Variants in COL2A1 observed in about 807,000 individuals in gnomAD.
COL2A1 encodes collagen alpha-1(II) chain.
In COL2A1, 28 loss-of-function variants were observed where a neutral mutation model predicts 204.5. The ratio of observed to expected loss-of-function variants is 0.14; its 90% CI spans 0.10 to 0.19. The LOEUF (loss-of-function observed/expected upper bound fraction) is 0.19. COL2A1 is among the 10% of genes least tolerant of loss of function. The pLI, the probability that COL2A1 is intolerant of heterozygous loss-of-function variation, is 1.00. For missense variants in COL2A1, 1,388 were observed against 2,027.5 expected, an observed-to-expected ratio of 0.68 and a Z score of 6.06; for synonymous variants, 708 against 718.7, an observed-to-expected ratio of 0.99 and a Z score of 0.24.
intron 2 of COL2A1, among the ~76,000 whole-genome samples, chr12:47,999,070 G>T (rs1940104708): frequency 6.6e-6 from 1 of 152,208 alleles, no homozygotes; most frequent in Non-Finnish European, 1.5e-5. Flanking sequence ...TGTTGGTGAA[G>T]TGTTAAGGAA....
chr12:47,980,009 C>CG lies in COL2A1; in HGVS notation c.2678dup (p.Ala895SerfsTer49), dbSNP rs1938958532. ...GTGGGGTGTCAGAGGCCTCACTCAC[C>CG]GGGGGGCCTTGGGCACCTCGGGCTC... On this transcript the variant is annotated frameshift_variant and splice_region_variant, in exon 40 of 54. Transcript: ENST00000380518. LOFTEE classifies it high-confidence loss of function. The surrounding 1 kb of genome is among the most constrained non-coding windows in gnomAD (Gnocchi z 4.5). 1.3e-6 allele frequency: 2 copies of CG among 1,554,090 alleles called. No homozygotes were observed.
intron 36 of COL2A1, 54 bp from the exon 37 acceptor site, chr12:47,981,450 G>A: frequency 2.6e-6 from 4 of 1,522,046 alleles, no homozygotes; most frequent in Non-Finnish European, 3.6e-6. Flanking sequence ...GAGGCAGAGT[G>A]GGAGAGGGCA....
chr12:47,973,101 C>A lies in COL2A1; in HGVS notation c.*306G>T. On this transcript the variant is annotated 3_prime_UTR_variant, in exon 54 of 54. Transcript: ENST00000380518. Reference sequence around the variant, plus strand: ...CGGCACCTGAAGGGAGGTCTTCTGGCCTGGGCTGGGGGCAGTCACTCAGGG... The same window carrying A: ...CGGCACCTGAAGGGAGGTCTTCTGGACTGGGCTGGGGGCAGTCACTCAGGG... 1.7e-6 allele frequency: 1 copy of A among 601,930 alleles called. No homozygotes were observed. The highest frequency in any genetic ancestry group is 3.0e-6 in the Non-Finnish European group (1 of 338,752). 37.3% of individuals were successfully genotyped at this position (601,930 alleles called of 1,614,324 possible). A position where few individuals can be genotyped will look rare whatever the true frequency, so the allele number is the denominator to read the frequency against.
chr12:47,975,954 G>T lies in COL2A1; in HGVS notation c.3597+9C>A. On this transcript the variant is annotated intron_variant, in intron 50 of 53. Transcript: ENST00000380518. Reference sequence around the variant, plus strand: ...ACCTCGACAGCAGGGAAGGAGTCAGGACACTTACAGCAGGGCCGGTTTCGC... The same window carrying T: ...ACCTCGACAGCAGGGAAGGAGTCAGTACACTTACAGCAGGGCCGGTTTCGC... The T allele has an allele frequency of 6.2e-7, 1 of 1,604,530 alleles. No individual in the cohort carries two copies. Among genetic ancestry groups the T allele is most frequent in the South Asian group, 1.1e-5 (1 of 90,856 alleles).
At position 47,981,537 on chromosome 12, in the gene COL2A1, C is replaced by T. The variant is rs565105661; in HGVS notation, c.2410-141G>A. The stretch of plus-strand genomic sequence containing the variant: ...GCACAGCCTGTGTTACTGTGCAGCC[C>T]ATACCCGCACCCTCTCGAGGGCCTC... On this transcript the variant is annotated intron_variant, in intron 36 of 53. Transcript: ENST00000380518. 4 of 898,742 alleles carry T rather than the reference C, an allele frequency of 4.5e-6. No individual in the cohort carries two copies. In the Admixed American group the frequency reaches 8.1e-5, roughly 18 times the overall value. 55.7% of individuals were successfully genotyped at this position (898,742 alleles called of 1,614,324 possible).
chr12:47,976,585 G>A lies in COL2A1; in HGVS notation c.3436-18C>T. 2 of 1,613,964 alleles carry A rather than the reference G, an allele frequency of 1.2e-6. No homozygotes were observed. Among genetic ancestry groups the A allele is most frequent in the South Asian group, 1.1e-5 (1 of 91,076 alleles). ...GAAGGACCCTGTGTAGAAGGAAGAG[G>A]CAAAAGGCCACGGTCAGCACAGACA... is the stretch of plus-strand genomic sequence containing the variant. On this transcript the variant is annotated intron_variant, in intron 48 of 53. Transcript: ENST00000380518. This position sits in a 1 kb window ranked among gnomAD's most constrained non-coding sequence, Gnocchi z 4.3.
chr12:47,990,169 A>AT (rs1445061255), intron 16 of COL2A1, among the ~76,000 whole-genome samples: 5 of 151,720 alleles, frequency 3.3e-5, no homozygotes, highest in East Asian at 1.9e-4. Context: ...ACACCTGGCT[A>AT]TTTTTTTTAT....
intron 51 of COL2A1, 123 bp from the exon 52 acceptor site, chr12:47,974,985 G>T (rs755605249): frequency 9.5e-7 from 1 of 1,058,182 alleles, no homozygotes; most frequent in Non-Finnish European, 1.4e-6. Flanking sequence ...AGGTTCACAT[G>T]TGGCCTGAAA....
chr12:47,992,440 T>A (rs1181344922), intron 16 of COL2A1, among the ~76,000 whole-genome samples: 1 of 152,176 alleles, frequency 6.6e-6, no homozygotes, highest in African/African-American at 2.4e-5. Flanking sequence ...CCCCTGGTAC[T>A]ATAGCATAAC....
intron 21 of COL2A1, 76 bp from the exon 22 acceptor site, chr12:47,986,964 T>A: frequency 6.3e-7 from 1 of 1,598,166 alleles, no homozygotes; most frequent in Non-Finnish European, 8.6e-7. Flanking sequence ...CTGTTCAAGA[T>A]GCCCTCGGAT....
Position 47,977,134 on chromosome 12 carries a change from G to T in COL2A1, c.3295C>A (p.Pro1099Thr). The T allele has an allele frequency of 6.2e-7, 1 of 1,610,414 alleles. No homozygotes were observed. The highest frequency in any genetic ancestry group is 8.5e-7 in the Non-Finnish European group (1 of 1,178,780). ...CCCCGGGCTCCAGCTGGTCCTGAGGGTCCCATGGGGCCTTGTGCACCCTGA... is the reference window on the plus strand; with the variant it reads ...CCCCGGGCTCCAGCTGGTCCTGAGGTTCCCATGGGGCCTTGTGCACCCTGA... ...GEAGAQGPMG[P>T]SGPAGARGIQ... The change falls in exon 47 of 54, where the codon CCC becomes ACC. Residue 1099 changes from proline (P) to threonine (T), a missense_variant. Physicochemically the swap from Pro to Thr is conservative, Grantham distance 38 (BLOSUM62 -1). Coordinates refer to ENST00000380518, the MANE Select transcript of COL2A1 (RefSeq NM_001844.5).
Position 47,984,067 on chromosome 12 carries a change from G to C in COL2A1, c.1941+20C>G, listed in dbSNP as rs1164244959. 2 of 1,608,728 alleles carry C rather than the reference G, an allele frequency of 1.2e-6. No homozygotes were observed. Among genetic ancestry groups the C allele is most frequent in the South Asian group, 1.1e-5 (1 of 89,944 alleles). ...GCCCCTGCCCCCAGGGCCACCTGGG[G>C]AGGCTGGGCAGGTACTTACAGCAGG... is the stretch of plus-strand genomic sequence containing the variant. On this transcript the variant is annotated intron_variant, in intron 29 of 53. Coordinates refer to ENST00000380518, the MANE Select transcript of COL2A1 (RefSeq NM_001844.5).
Position 47,983,159 on chromosome 12 carries a change from G to A in COL2A1, c.2050-22C>T, listed in dbSNP as rs199990957. The stretch of plus-strand genomic sequence containing the variant: ...CACCCTGGAGAACAAAGAAAGATGT[G>A]TGAGAGTGAAGGCTTCATATCACAG... On this transcript the variant is annotated intron_variant, in intron 31 of 53. Transcript: ENST00000380518. The A allele has an allele frequency of 9.3e-5, 150 of 1,612,096 alleles. 1 individual carries two copies. In the African/African-American group the frequency reaches 1.4e-3, roughly 15 times the overall value.
intron 17 of COL2A1, 46 bp from the exon 18 acceptor site, chr12:47,989,327 G>A (rs1194191664): frequency 5.8e-6 from 9 of 1,544,992 alleles, no homozygotes; most frequent in Non-Finnish European, 8.0e-6. Flanking sequence ...GCCAGTTCTG[G>A]CCTCCAAAGC....
At chr12:47,996,919 G>A (rs1292063457) in intron 7 of COL2A1, among the ~76,000 whole-genome samples, 1 of 152,174 alleles carries the variant, frequency 6.6e-6, no homozygotes, top group Non-Finnish European at 1.5e-5. Flanking sequence ...TATGACAGAT[G>A]TTATTTAACG....
In COL2A1 at chr12:47,978,966, A is replaced by G. The variant is rs915933586; in HGVS notation, c.2734-208T>C. ...AGACAGCTCTGGGCAGACAGCCCCA[A>G]CTTCTCCAGCTCCTGCTTGCTTTGC... is the stretch of plus-strand genomic sequence containing the variant. On this transcript the variant is annotated intron_variant, in intron 41 of 53. Transcript: ENST00000380518. The surrounding 1 kb of genome is among the most constrained non-coding windows in gnomAD (Gnocchi z 5.5). Among the ~76,000 whole-genome samples, 5 of 151,838 alleles carry G rather than the reference A, an allele frequency of 3.3e-5. No homozygotes were observed. Among genetic ancestry groups the G allele is most frequent in the African/African-American group, 7.2e-5 (3 of 41,384 alleles).
intron 53 of COL2A1, 68 bp downstream of exon 53, chr12:47,974,021 G>GCCAA: frequency 6.2e-7 from 1 of 1,612,292 alleles, no homozygotes; most frequent in Middle Eastern, 1.7e-4. Context: ...GCTGCCGCGG[G>GCCAA]CCAACCCTCA....
chr12:47,999,653 T>TTTTTTG (rs1940137346), intron 2 of COL2A1: 1 of 179,310 alleles, frequency 5.6e-6, no homozygotes. Flanking sequence ...TTTTTTTTTT[T>TTTTTTG]GTAGAATCAC....
At chr12:47,984,028 C>T in intron 29 of COL2A1, 59 bp downstream of exon 29, 1 of 1,464,626 alleles carries the variant, frequency 6.8e-7, no homozygotes, top group South Asian at 1.2e-5. Flanking sequence ...GCTCTCCCAC[C>T]CCCACCCCTC....
Sources: allele counts gnomAD v4.1 joint callset (sites outside exome capture counted in the v4.1 genomes callset), GRCh38; gene constraint gnomAD v4.1.1; non-coding constraint Gnocchi (gnomAD v3.1); transcripts MANE v1.5; gene names NCBI Gene and HGNC (gene_info 2026-07-23, HGNC 2026-07-21).